The following TRDN variants were observed in gnomAD, a reference collection of about 807,000 sequenced individuals.
TRDN encodes triadin.
A neutral mutation model predicts 149.7 loss-of-function variants in TRDN; 161 were observed. That is an observed-to-expected ratio of 1.08 (90% confidence interval 0.95 to 1.23). TRDN has a LOEUF of 1.23. Ranked by LOEUF, TRDN falls within the 50% of genes most tolerant of loss-of-function variation. The pLI is 0.00. For missense variants in TRDN, 896 were observed against 823.5 expected (o/e 1.09, Z -1.08); for synonymous variants, 294 against 250.5 (o/e 1.17, Z -1.64).
intron 12 of TRDN, among the ~76,000 whole-genome samples, chr6:123,436,042 GT>G (rs1774548042): frequency 6.6e-6 from 1 of 152,000 alleles, no homozygotes; most frequent in South Asian, 2.1e-4. Context: ...AAACCATTGA[GT>G]TTTGCCAAAA....
At chr6:123,442,277 C>T (rs993844929) in intron 10 of TRDN, 1 of 146,346 alleles carries the variant, frequency 6.8e-6, no homozygotes, top group Non-Finnish European at 1.5e-5. Flanking sequence ...TAAAATCTAC[C>T]TCACGCTTGT....
intron 20 of TRDN, among the ~76,000 whole-genome samples, chr6:123,362,041 A>G (rs1341882897): frequency 6.6e-6 from 1 of 152,086 alleles, no homozygotes; most frequent in Non-Finnish European, 1.5e-5. Context: ...TTTCTCTCCA[A>G]AGTCTTTAGC....
intron 1 of TRDN, among the ~76,000 whole-genome samples, chr6:123,602,911 C>T (rs1339979119): frequency 6.6e-6 from 1 of 151,776 alleles, no homozygotes; most frequent in Non-Finnish European, 1.5e-5. Flanking sequence ...CATGCTATTA[C>T]TTCAGCCAAA....
At chr6:123,544,704 C>A (rs1325445630) in intron 4 of TRDN, among the ~76,000 whole-genome samples, 3 of 151,844 alleles carry the variant, frequency 2.0e-5, no homozygotes, top group Non-Finnish European at 4.4e-5. Context: ...AGATTCAGTG[C>A]CTTGGGGTCT....
intron 2 of TRDN, among the ~76,000 whole-genome samples, chr6:123,561,864 C>T (rs149727164): frequency 1.3e-5 from 2 of 151,882 alleles, no homozygotes; most frequent in African/African-American, 4.8e-5. Context: ...TTCCATACCA[C>T]CCCCCAAAAA....
intron 12 of TRDN, among the ~76,000 whole-genome samples, chr6:123,422,980 C>A (rs1043307691): frequency 2.6e-5 from 4 of 151,948 alleles, no homozygotes; most frequent in African/African-American, 9.7e-5. Flanking sequence ...CTATGTAGCA[C>A]AAAGGATAGT....
intron 12 of TRDN, among the ~76,000 whole-genome samples, chr6:123,435,496 GTCTCTCTC>G (rs34601296): frequency 1.3e-5 from 2 of 148,738 alleles, no homozygotes; most frequent in East Asian, 2.0e-4. Context: ...CAATCTCTCT[GTCTCTCTC>G]TCTCTCTCTC....
intron 13 of TRDN, among the ~76,000 whole-genome samples, chr6:123,389,058 T>C (rs1014872826): frequency 3.9e-5 from 6 of 152,150 alleles, no homozygotes; most frequent in African/African-American, 1.4e-4. Flanking sequence ...ACCCTCCTTT[T>C]AGCAAACTTA....
At chr6:123,412,016 A>C (rs1367680) in intron 12 of TRDN, among the ~76,000 whole-genome samples, 57,557 of 151,966 alleles carry the variant, frequency 0.38, 11,378 homozygotes, top group Middle Eastern at 0.48. Flanking sequence ...AATTTTCAGA[A>C]ATCCTTCTGG....
chr6:123,299,315 A>C, intron 24 of TRDN, among the ~76,000 whole-genome samples: 1 of 152,042 alleles, frequency 6.6e-6, no homozygotes, highest in East Asian at 1.9e-4. Flanking sequence ...ACATGGCTAA[A>C]GTAGTCAAGC....
chr6:123,312,377 C>T (rs898128275), intron 24 of TRDN, among the ~76,000 whole-genome samples: 8 of 151,700 alleles, frequency 5.3e-5, no homozygotes, highest in African/African-American at 1.5e-4. Context: ...AACATGAAGA[C>T]GTAGATGAAG....
At chr6:123,501,925 C>T (rs1038779106) in intron 8 of TRDN, 45 of 984,298 alleles carry the variant, frequency 4.6e-5, no homozygotes, top group East Asian at 2.3e-4. Context: ...TAAAGTGTTC[C>T]GGTGATGAGT....
At chr6:123,410,711 A>G (rs1773396789) in intron 12 of TRDN, among the ~76,000 whole-genome samples, 1 of 152,100 alleles carries the variant, frequency 6.6e-6, no homozygotes, top group Admixed American at 6.6e-5. Flanking sequence ...ATATCTGGAC[A>G]TCACAAATAT....
chr6:123,548,637 A>G (rs1583224919), intron 2 of TRDN, 25 bp from the exon 3 acceptor site: 1 of 1,321,044 alleles, frequency 7.6e-7, no homozygotes, highest in East Asian at 2.9e-5. Flanking sequence ...AAAAAAAAAA[A>G]AAGAAAAAGT....
At chr6:123,298,067 T>C (rs1778267444) in intron 24 of TRDN, among the ~76,000 whole-genome samples, 1 of 151,804 alleles carries the variant, frequency 6.6e-6, no homozygotes, top group Admixed American at 6.6e-5. Context: ...TCCATGAAAT[T>C]AAAAAACAAA....
At chr6:123,407,434 G>A (rs543296457) in intron 12 of TRDN, among the ~76,000 whole-genome samples, 3 of 152,122 alleles carry the variant, frequency 2.0e-5, no homozygotes, top group South Asian at 4.2e-4. Context: ...TCTGATCCTC[G>A]TAGTGCAATT....
intron 1 of TRDN, among the ~76,000 whole-genome samples, chr6:123,627,296 A>C (rs1242284267): frequency 6.6e-6 from 1 of 152,152 alleles, no homozygotes; most frequent in Non-Finnish European, 1.5e-5. Context: ...AGCTGCAAAA[A>C]TGATCTTCTG....
chr6:123,605,447 T>C (rs1784486384), intron 1 of TRDN, among the ~76,000 whole-genome samples: 1 of 151,660 alleles, frequency 6.6e-6, no homozygotes, highest in Non-Finnish European at 1.5e-5. Flanking sequence ...TGTAAGATGA[T>C]TCATATGATT....
chr6:123,271,031 G>A (rs1777187806), intron 30 of TRDN, 108 bp downstream of exon 30: 1 of 485,082 alleles, frequency 2.1e-6, no homozygotes, highest in Non-Finnish European at 3.2e-6. Flanking sequence ...ACACACTTCA[G>A]TGAAGGGCTG....
Sources: allele counts gnomAD v4.1 joint callset (sites outside exome capture counted in the v4.1 genomes callset), GRCh38; gene constraint gnomAD v4.1.1; transcripts MANE v1.5; gene names NCBI Gene and HGNC (gene_info 2026-07-23, HGNC 2026-07-21).